Variants in MYBPHL observed in about 807,000 individuals in gnomAD.
MYBPHL encodes the protein myosin binding protein H like, also known as myosin-binding protein H-like.
Under a neutral mutation model 39.5 loss-of-function variants are expected in MYBPHL, and 32 were observed. That is an observed-to-expected ratio of 0.81 (90% confidence interval 0.61 to 1.09). The LOEUF (loss-of-function observed/expected upper bound fraction) is 1.09. MYBPHL is among the 50% of genes least tolerant of loss of function. The pLI, the probability that MYBPHL is intolerant of heterozygous loss-of-function variation, is 0.00. For missense variants in MYBPHL, 456 were observed against 460.2 expected, an observed-to-expected ratio of 0.99 and a Z score of 0.08; for synonymous variants, 196 against 183.7, an observed-to-expected ratio of 1.07 and a Z score of -0.54.
In MYBPHL at chr1:109,295,292, C is replaced by A; in HGVS notation, c.873G>T (p.Lys291Asn). 3 of 1,613,558 alleles carry A rather than the reference C, an allele frequency of 1.9e-6. No individual in the cohort carries two copies. The highest frequency in any genetic ancestry group is 2.5e-6 in the Non-Finnish European group (3 of 1,179,636). The change falls in exon 7 of 9, where the codon AAG (lysine) becomes AAT (asparagine). Residue 291 changes from lysine to asparagine, a missense_variant. Lys to Asn is a moderately conservative substitution (Grantham distance 94). Transcript: ENST00000357155. ...CCATCTTGTTCTTCAGCCAGATGAT[C>A]TTGGGCTGGAAGACAAAGATGAGGG... ...FCCVRASPRP[K>N]IIWLKNKMDI...
At chr1:109,300,589 A>C (rs1247320234) in intron 1 of MYBPHL, among the ~76,000 whole-genome samples, 1 of 152,190 alleles carries the variant, frequency 6.6e-6, no homozygotes, top group Non-Finnish European at 1.5e-5. Flanking sequence ...TCTTAGAAAA[A>C]CACCTGGGAA....
chr1:109,297,288 C>A, intron 3 of MYBPHL, 99 bp from the exon 4 acceptor site: 1 of 1,578,874 alleles, frequency 6.3e-7, no homozygotes, highest in South Asian at 1.2e-5. Flanking sequence ...AGTTACCCCT[C>A]CTGCGCCCAC....
At chr1:109,299,951 A>G (rs1316604995) in intron 1 of MYBPHL, among the ~76,000 whole-genome samples, 1 of 152,224 alleles carries the variant, frequency 6.6e-6, no homozygotes, top group African/African-American at 2.4e-5. Flanking sequence ...ACGGGCGGAT[A>G]TGACTTAATA....
At chr1:109,301,082 C>T (rs1422362567) in intron 1 of MYBPHL, among the ~76,000 whole-genome samples, 1 of 152,218 alleles carries the variant, frequency 6.6e-6, no homozygotes, top group Non-Finnish European at 1.5e-5. Flanking sequence ...CAGGCGCAAT[C>T]TGACTCTTTG....
intron 1 of MYBPHL, among the ~76,000 whole-genome samples, chr1:109,301,445 A>G (rs969016592): frequency 5.3e-5 from 8 of 152,182 alleles, no homozygotes; most frequent in African/African-American, 1.4e-4. Flanking sequence ...AAATTCTTAG[A>G]GAAAACTACT....
At position 109,306,193 on chromosome 1, in the gene MYBPHL, G is replaced by GC. The variant is rs547443745; in HGVS notation, c.145+653dup. Among the ~76,000 whole-genome samples, 14 of 152,368 alleles carry GC rather than the reference G, an allele frequency of 9.2e-5. No homozygotes were observed. In the South Asian group the frequency reaches 2.9e-3, roughly 32 times the overall value. On this transcript the variant is annotated intron_variant, in intron 1 of 8. Transcript: ENST00000357155. ...CCTCAGCCAGGGCATTCAGGGATGG[G>GC]CGGCAGGAAGCTCGGGGTTGGAATT... is the stretch of plus-strand genomic sequence containing the variant.
chr1:109,299,099 A>G (rs567964339), intron 1 of MYBPHL, among the ~76,000 whole-genome samples: 10 of 152,330 alleles, frequency 6.6e-5, no homozygotes, highest in Non-Finnish European at 1.3e-4. Flanking sequence ...CCGAAGCACA[A>G]ACATTCCACC....
chr1:109,304,340 G>A (rs2101490748), intron 1 of MYBPHL, among the ~76,000 whole-genome samples: 1 of 152,280 alleles, frequency 6.6e-6, no homozygotes, highest in South Asian at 2.1e-4. Context: ...TCACTCCTAG[G>A]CATGAGATTC....
At chr1:109,297,242 G>A in intron 3 of MYBPHL, 53 bp from the exon 4 acceptor site, 1 of 1,613,472 alleles carries the variant, frequency 6.2e-7, no homozygotes, top group Non-Finnish European at 8.5e-7. Context: ...ATGCATTGAA[G>A]TCACTTCAGG....
intron 1 of MYBPHL, among the ~76,000 whole-genome samples, chr1:109,305,717 C>G (rs1248838796): frequency 6.6e-6 from 1 of 152,246 alleles, no homozygotes; most frequent in African/African-American, 2.4e-5. Flanking sequence ...TTGGCCAGCT[C>G]TCTGCCCTTG....
In MYBPHL at chr1:109,298,095, C is replaced by G. The variant is rs58407221; in HGVS notation, c.234+74G>C. On this transcript the variant is annotated intron_variant, in intron 2 of 8. Transcript: ENST00000357155. ...AGATTGCCCCTCTGCTAGCAGGACT[C>G]TTGGTATCTGTTTCCAAATCCAAAA... 4,001 of 1,281,138 alleles carry G rather than the reference C, an allele frequency of 3.1e-3. 108 individuals carry two copies. The African/African-American group carries it at 0.054, about 17-fold the overall frequency. The allele number at this position is 1,281,138 out of a possible 1,614,324, so 79.4% of individuals were successfully genotyped here.
chr1:109,294,073 A>G (rs1657966720), intron 8 of MYBPHL, 133 bp downstream of exon 8: 6 of 634,310 alleles, frequency 9.5e-6, no homozygotes, highest in Non-Finnish European at 1.7e-5. Flanking sequence ...CAAAAAAAAA[A>G]TGGTTACAAC....
intron 1 of MYBPHL, among the ~76,000 whole-genome samples, chr1:109,304,379 A>T (rs2101490860): frequency 6.6e-6 from 1 of 152,340 alleles, no homozygotes; most frequent in East Asian, 1.9e-4. Context: ...GACACAGAAC[A>T]GTTCAGATTG....
At chr1:109,295,042 T>TGA in intron 7 of MYBPHL, 69 bp downstream of exon 7, 6 of 1,544,618 alleles carry the variant, frequency 3.9e-6, no homozygotes, top group Non-Finnish European at 5.3e-6. Context: ...CTCTGTTCCC[T>TGA]GACTCTTCCA....
rs748802579 is a variant in MYBPHL, at chr1:109,298,187, G to T, written c.216C>A (p.Asn72Lys). The part of the protein sequence containing the change: ...TYIRKVGDTV[N>K]LLIPFQGKPK... ...TGATCACCTGGAATGGGATTAGTAG[G>T]TTCACTGTGTCCCCAACCTTCCGGA... Residue 72 changes from asparagine (N) to lysine (K), a missense_variant, in exon 2 of 9, where the codon AAC (asparagine) becomes AAA (lysine). Physicochemically the swap from Asn to Lys is moderately conservative, Grantham distance 94. Transcript: ENST00000357155. The T allele has an allele frequency of 6.2e-7, 1 of 1,610,100 alleles. No individual in the cohort carries two copies. The highest frequency in any genetic ancestry group is 1.1e-5 in the South Asian group (1 of 90,260).
intron 1 of MYBPHL, among the ~76,000 whole-genome samples, chr1:109,298,617 C>T (rs1022847786): frequency 5.3e-5 from 8 of 152,126 alleles, no homozygotes; most frequent in African/African-American, 1.9e-4. Flanking sequence ...TGTGGTTTGT[C>T]TTTCCACCCT....
In MYBPHL at chr1:109,296,085, C is replaced by G. The variant is rs79407709; in HGVS notation, c.867+149G>C. On this transcript the variant is annotated intron_variant, in intron 6 of 8. Coordinates refer to ENST00000357155, the MANE Select transcript of MYBPHL (RefSeq NM_001010985.3). ...CCGTCTTGGACTCCAAGCACCCCCC[C>G]GACTGTTCCTAAATACCGTGCTGTA... The G allele has an allele frequency of 1.6e-5, 15 of 952,064 alleles. No individual in the cohort carries two copies. The South Asian group carries it at 2.0e-4, about 13-fold the overall frequency. The allele number at this position is 952,064 out of a possible 1,614,324, so 59.0% of individuals were successfully genotyped here. A position where few individuals can be genotyped will look rare whatever the true frequency, so the allele number is the denominator to read the frequency against.
chr1:109,297,015 C>G (rs1356567921), intron 4 of MYBPHL, 35 bp downstream of exon 4: 22 of 1,613,946 alleles, frequency 1.4e-5, no homozygotes, highest in Non-Finnish European at 1.9e-5. Flanking sequence ...CCAACATGCC[C>G]TCTTCCACCC....
At chr1:109,299,090 C>T (rs760701549) in intron 1 of MYBPHL, among the ~76,000 whole-genome samples, 7 of 152,320 alleles carry the variant, frequency 4.6e-5, no homozygotes, top group Admixed American at 2.0e-4. Context: ...TCTCAGCTGC[C>T]GAAGCACAAA....
Sources: allele counts gnomAD v4.1 joint callset (sites outside exome capture counted in the v4.1 genomes callset), GRCh38; gene constraint gnomAD v4.1.1; transcripts MANE v1.5; gene names NCBI Gene and HGNC (gene_info 2026-07-23, HGNC 2026-07-21).